PFKP: variants seen among roughly 807,000 people sequenced by gnomAD.
The protein encoded by PFKP is phosphofructokinase, platelet, also known as ATP-dependent 6-phosphofructokinase, platelet type.
In PFKP, 101 loss-of-function variants were observed where a neutral mutation model predicts 94.3. The observed-to-expected ratio is 1.07, with a 90% confidence interval of 0.91 to 1.26. The LOEUF is 1.26. PFKP is among the 50% of genes most tolerant of loss of function. The pLI is 0.00. For missense variants in PFKP, 1,145 were observed against 1,103.3 expected, an observed-to-expected ratio of 1.04 and a Z score of -0.53; for synonymous variants, 573 against 432.6, an observed-to-expected ratio of 1.32 and a Z score of -4.03.
intron 2 of PFKP, among the ~76,000 whole-genome samples, chr10:3,091,420 T>C (rs1433119380): frequency 6.6e-6 from 1 of 152,166 alleles, no homozygotes; most frequent in African/African-American, 2.4e-5. Flanking sequence ...AGTCGGCTCC[T>C]TGCATTTGGT....
chr10:3,102,599 A>G (rs1835126034), intron 4 of PFKP, among the ~76,000 whole-genome samples: 1 of 151,900 alleles, frequency 6.6e-6, no homozygotes, highest in African/African-American at 2.4e-5. Flanking sequence ...TTTTTTATTT[A>G]TTTTTTATTT....
intron 16 of PFKP, among the ~76,000 whole-genome samples, chr10:3,126,341 G>A (rs530888684): frequency 1.3e-5 from 2 of 152,334 alleles, no homozygotes; most frequent in East Asian, 3.9e-4. Flanking sequence ...TCTTGCAGAG[G>A]CTGGCCCTGG....
intron 1 of PFKP, among the ~76,000 whole-genome samples, chr10:3,077,667 G>T (rs892680461): frequency 6.6e-5 from 10 of 152,134 alleles, no homozygotes; most frequent in Admixed American, 5.2e-4. Context: ...CCTCCAAGTA[G>T]CCAGGAAATA....
At chr10:3,133,381 T>C in intron 19 of PFKP, 67 bp downstream of exon 19, 2 of 1,004,682 alleles carry the variant, frequency 2.0e-6, no homozygotes, top group East Asian at 2.4e-5. Context: ...ATTAGTGTCT[T>C]ATTTTAGCCA....
intron 1 of PFKP, chr10:3,069,233 A>G (rs1216008123): frequency 4.9e-6 from 7 of 1,418,406 alleles, no homozygotes; most frequent in Admixed American, 2.4e-5. Flanking sequence ...TGGCGTTAGC[A>G]TTCCAGTAAA....
rs1002737539 is a variant in PFKP, at chr10:3,113,635, C to T, written c.1371+117C>T. ...ACCTTTTCATGCCTCAGTCCGGGATCCTGTGATATTGTGACTGAAGCATTG... is the reference window on the plus strand; with the variant it reads ...ACCTTTTCATGCCTCAGTCCGGGATTCTGTGATATTGTGACTGAAGCATTG... On this transcript the variant is annotated intron_variant, in intron 13 of 21. Transcript: ENST00000381125. 3 of 511,954 alleles carry T rather than the reference C, an allele frequency of 5.9e-6. No individual in the cohort carries two copies. The Admixed American group carries it at 1.5e-4, about 26-fold the overall frequency. 31.7% of individuals were successfully genotyped at this position (511,954 alleles called of 1,614,324 possible). A position where few individuals can be genotyped will look rare whatever the true frequency, so the allele number is the denominator to read the frequency against.
intron 16 of PFKP, among the ~76,000 whole-genome samples, chr10:3,121,407 A>G (rs1156361754): frequency 6.6e-6 from 1 of 152,090 alleles, no homozygotes; most frequent in Non-Finnish European, 1.5e-5. Context: ...TGCTTTAGCT[A>G]GATTTTTGGG....
At chr10:3,112,631 C>A (rs1456010553) in intron 11 of PFKP, among the ~76,000 whole-genome samples, 1 of 152,224 alleles carries the variant, frequency 6.6e-6, no homozygotes, top group African/African-American at 2.4e-5. Flanking sequence ...CATCTCAGCT[C>A]CCTGCAATCT....
Position 3,103,892 on chromosome 10 carries a change from G to GC in PFKP, c.571dup (p.Leu191ProfsTer83). 1 of 1,613,938 alleles carries GC rather than the reference G, an allele frequency of 6.2e-7. No individual in the cohort carries two copies. Among genetic ancestry groups the GC allele is most frequent in the Non-Finnish European group, 8.5e-7 (1 of 1,180,036 alleles). ...CGACATGACCATCGGCACGGACTCCGCCCTGCACAGGATCATCGAGGTCGT... is the reference window on the plus strand; with the variant it reads ...CGACATGACCATCGGCACGGACTCCGCCCCTGCACAGGATCATCGAGGTCGT... On this transcript the variant is annotated frameshift_variant, in exon 5 of 22. Coordinates refer to ENST00000381125, the MANE Select transcript of PFKP (RefSeq NM_002627.5). LOFTEE classifies it high-confidence loss of function.
chr10:3,132,485 A>C, intron 18 of PFKP, 44 bp downstream of exon 18: 2 of 1,353,956 alleles, frequency 1.5e-6, no homozygotes, highest in Non-Finnish European at 1.1e-6. Flanking sequence ...TCACCGCCAC[A>C]CCCTGGTTCT....
chr10:3,102,180 G>A (rs1034761309), intron 4 of PFKP, among the ~76,000 whole-genome samples: 23 of 143,264 alleles, frequency 1.6e-4, no homozygotes, highest in Middle Eastern at 3.7e-3. Flanking sequence ...GAACCCGGGA[G>A]GCGGAGCTTG....
intron 2 of PFKP, among the ~76,000 whole-genome samples, chr10:3,096,431 T>G (rs558108150): frequency 6.6e-6 from 1 of 152,178 alleles, no homozygotes; most frequent in Non-Finnish European, 1.5e-5. Context: ...GGTGTGGGAA[T>G]GTAGGAACTG....
intron 1 of PFKP, among the ~76,000 whole-genome samples, chr10:3,079,208 G>A (rs984043436): frequency 7.3e-5 from 11 of 151,244 alleles, no homozygotes; most frequent in Non-Finnish European, 1.6e-4. Flanking sequence ...CTGCACAGGA[G>A]TCTCCTGGGG....
At chr10:3,132,548 G>C (rs952782742) in intron 18 of PFKP, 107 bp downstream of exon 18, 3 of 786,458 alleles carry the variant, frequency 3.8e-6, no homozygotes, top group Non-Finnish European at 6.8e-6. Flanking sequence ...TTTGCCGCTA[G>C]AGTGCACTAC....
At chr10:3,122,312 C>T (rs1837511419) in intron 16 of PFKP, among the ~76,000 whole-genome samples, 1 of 152,134 alleles carries the variant, frequency 6.6e-6, no homozygotes, top group Non-Finnish European at 1.5e-5. Flanking sequence ...TGAGTGGCGC[C>T]GTCTGACCGA....
chr10:3,103,365 C>G (rs181807647), intron 4 of PFKP, among the ~76,000 whole-genome samples: 2 of 152,146 alleles, frequency 1.3e-5, no homozygotes, highest in Non-Finnish European at 2.9e-5. Context: ...AATAAAGAAT[C>G]GGCCAGGGCA....
intron 1 of PFKP, among the ~76,000 whole-genome samples, chr10:3,080,239 C>T (rs994653481): frequency 1.3e-5 from 2 of 151,890 alleles, no homozygotes; most frequent in African/African-American, 4.8e-5. Flanking sequence ...AGAACATTGC[C>T]GGGTGCAGTG....
Position 3,113,400 on chromosome 10 carries a change from T to TG in PFKP, c.1258dup (p.Ala420GlyfsTer29). The TG allele has an allele frequency of 6.3e-7, 1 of 1,597,832 alleles. No homozygotes were observed. The highest frequency in any genetic ancestry group is 1.1e-5 in the South Asian group (1 of 89,318). On this transcript the variant is annotated frameshift_variant, in exon 13 of 22. Transcript: ENST00000381125. LOFTEE classifies it high-confidence loss of function. ...AATTGCAACGTAGCTGTCATCAACG[T>TG]GGGGGCACCCGCGGCTGGGATGAAC...
intron 17 of PFKP, among the ~76,000 whole-genome samples, chr10:3,131,099 AT>A (rs1838533118): frequency 6.6e-6 from 1 of 151,932 alleles, no homozygotes; most frequent in Admixed American, 6.6e-5. Context: ...TTTTACATAT[AT>A]TTTTATAATA....
Sources: allele counts gnomAD v4.1 joint callset (sites outside exome capture counted in the v4.1 genomes callset), GRCh38; gene constraint gnomAD v4.1.1; transcripts MANE v1.5; gene names NCBI Gene and HGNC (gene_info 2026-07-23, HGNC 2026-07-21).